SEMA3D: variants seen among roughly 807,000 people sequenced by gnomAD.
SEMA3D encodes the protein semaphorin-3D.
Under a neutral mutation model 100.1 loss-of-function variants are expected in SEMA3D, and 84 were observed. The ratio of observed to expected loss-of-function variants is 0.84; its 90% CI spans 0.70 to 1.01. The LOEUF (loss-of-function observed/expected upper bound fraction) is 1.01, where lower values mean the gene tolerates loss of function less well. SEMA3D is among the 50% of genes least tolerant of loss of function. SEMA3D has a pLI of 0.00. For missense variants in SEMA3D, 875 were observed against 934.1 expected (o/e 0.94, Z 0.82); for synonymous variants, 312 against 320.7 (o/e 0.97, Z 0.29).
intron 9 of SEMA3D, among the ~76,000 whole-genome samples, chr7:85,049,029 A>G (rs576482894): frequency 2.6e-4 from 39 of 151,642 alleles, no homozygotes; most frequent in African/African-American, 9.2e-4. Flanking sequence ...TTTTTTTCCC[A>G]CTTCTGATAC....
intron 12 of SEMA3D, chr7:85,028,600 A>C (rs1250951577): frequency 1.6e-5 from 4 of 246,746 alleles, no homozygotes; most frequent in Admixed American, 5.3e-5. Context: ...CGTGAGAACA[A>C]GAGAGCTGTC....
the SEMA3D span, among the ~76,000 whole-genome samples, chr7:85,236,097 ACAC>A: frequency 6.6e-6 from 1 of 152,006 alleles, no homozygotes; most frequent in African/African-American, 2.4e-5. Flanking sequence ...TAAGGCAATT[ACAC>A]ATTGACCCCT....
chr7:85,229,685 G>C, the SEMA3D span, among the ~76,000 whole-genome samples: 1 of 152,032 alleles, frequency 6.6e-6, no homozygotes, highest in Non-Finnish European at 1.5e-5. Context: ...GAAATGATTA[G>C]ATACAAATTC....
chr7:85,148,459 C>A (rs923877256), intron 2 of SEMA3D, among the ~76,000 whole-genome samples: 5 of 152,128 alleles, frequency 3.3e-5, no homozygotes, highest in Non-Finnish European at 7.4e-5. Context: ...GATAAGATTT[C>A]TACTAACGTC....
At chr7:85,181,552 G>A (rs1791411388) in intron 1 of SEMA3D, among the ~76,000 whole-genome samples, 1 of 152,058 alleles carries the variant, frequency 6.6e-6, no homozygotes, top group Non-Finnish European at 1.5e-5. Context: ...TAATAAGTAG[G>A]GAGGAAAAGA....
chr7:85,045,872 T>C (rs188777258), intron 9 of SEMA3D, among the ~76,000 whole-genome samples: 2 of 151,962 alleles, frequency 1.3e-5, no homozygotes, highest in Admixed American at 6.6e-5. Flanking sequence ...TACATTTTTT[T>C]ATCAGCTTTC....
At chr7:85,172,494 G>A (rs1200491333) in intron 1 of SEMA3D, among the ~76,000 whole-genome samples, 1 of 151,910 alleles carries the variant, frequency 6.6e-6, no homozygotes, top group African/African-American at 2.4e-5. Flanking sequence ...CTATTAAACT[G>A]TATTCTGAGG....
upstream of SEMA3D, among the ~76,000 whole-genome samples, chr7:85,190,601 G>C (rs527551460): frequency 1.3e-5 from 2 of 151,868 alleles, no homozygotes; most frequent in Non-Finnish European, 2.9e-5. Flanking sequence ...TGGATCATTA[G>C]ATATTTACAT....
intron 4 of SEMA3D, among the ~76,000 whole-genome samples, chr7:85,092,080 C>A (rs1164598279): frequency 6.6e-6 from 1 of 152,016 alleles, no homozygotes; most frequent in East Asian, 1.9e-4. Context: ...AACAAGGAAA[C>A]AACAAACCCC....
intron 5 of SEMA3D, among the ~76,000 whole-genome samples, chr7:85,076,723 G>A (rs1791933328): frequency 6.6e-6 from 1 of 152,134 alleles, no homozygotes; most frequent in Admixed American, 6.5e-5. Flanking sequence ...ACCTATCTCT[G>A]TCTCTGAGCT....
At chr7:85,246,168 T>C in the SEMA3D span, among the ~76,000 whole-genome samples, 4 of 152,128 alleles carry the variant, frequency 2.6e-5, no homozygotes, top group East Asian at 1.9e-4. Flanking sequence ...TAAAACTTTA[T>C]GTAAGAGCCT....
In SEMA3D at chr7:84,999,403, T is replaced by C. The variant is rs569205005; in HGVS notation, c.*37A>G. ...TACAAAACAGAAGGCAATGTTTTTA[T>C]AGGTAAGGAATTCTTTTCTTTAAAT... On this transcript the variant is annotated 3_prime_UTR_variant, in exon 19 of 19. Coordinates refer to ENST00000284136, the MANE Select transcript of SEMA3D (RefSeq NM_001384900.1). 68 of 1,535,760 alleles carry C rather than the reference T, an allele frequency of 4.4e-5. No homozygotes were observed. In the East Asian group the frequency reaches 1.5e-3, roughly 33 times the overall value.
the SEMA3D span, among the ~76,000 whole-genome samples, chr7:85,220,115 T>C: frequency 4.6e-5 from 7 of 152,008 alleles, no homozygotes; most frequent in East Asian, 9.6e-4. Context: ...TATTTTACTT[T>C]AGTTTGCCTT....
the SEMA3D span, among the ~76,000 whole-genome samples, chr7:85,196,058 T>G: frequency 6.6e-6 from 1 of 152,192 alleles, no homozygotes; most frequent in South Asian, 2.1e-4. Context: ...CCAAAGATGC[T>G]ATTTAAAATT....
At position 85,013,259 on chromosome 7, in the gene SEMA3D, T is replaced by C. The variant is rs1261445867; in HGVS notation, c.1704-413A>G. Among the ~76,000 whole-genome samples the C allele has an allele frequency of 9.2e-5, 14 of 151,742 alleles. 1 individual carries two copies. The highest frequency in any genetic ancestry group is 9.2e-4 in the Admixed American group (14 of 15,188). The stretch of plus-strand genomic sequence containing the variant: ...AGCGTTCAGTCAGTGGCTAGGAACA[T>C]ATACACAAATACAAAACACCTTGTC... On this transcript the variant is annotated intron_variant, in intron 16 of 18. Coordinates refer to ENST00000284136, the MANE Select transcript of SEMA3D (RefSeq NM_001384900.1).
intron 11 of SEMA3D, among the ~76,000 whole-genome samples, chr7:85,040,283 A>G (rs1157149491): frequency 6.6e-6 from 1 of 151,948 alleles, no homozygotes; most frequent in East Asian, 1.9e-4. Flanking sequence ...CAGCCTGCAT[A>G]TGCCTTTTAT....
At chr7:85,003,125 G>T (rs1789698631) in intron 18 of SEMA3D, among the ~76,000 whole-genome samples, 1 of 152,096 alleles carries the variant, frequency 6.6e-6, no homozygotes, top group South Asian at 2.1e-4. Context: ...TTAAGAAATA[G>T]ACTGAAAAGT....
chr7:85,040,200 G>C (rs1790818407), intron 11 of SEMA3D, among the ~76,000 whole-genome samples: 1 of 151,654 alleles, frequency 6.6e-6, no homozygotes, highest in African/African-American at 2.4e-5. Context: ...GGCTGGTCTT[G>C]AACTCCTGGG....
At chr7:85,201,927 C>T in the SEMA3D span, among the ~76,000 whole-genome samples, 7 of 151,800 alleles carry the variant, frequency 4.6e-5, no homozygotes, top group African/African-American at 1.5e-4. Context: ...ACTGTGTTGC[C>T]CAGACTGGTC....
Sources: allele counts gnomAD v4.1 joint callset (sites outside exome capture counted in the v4.1 genomes callset), GRCh38; gene constraint gnomAD v4.1.1; transcripts MANE v1.5; gene names NCBI Gene and HGNC (gene_info 2026-07-23, HGNC 2026-07-21).